The following DNM3 variants were observed in gnomAD, a reference collection of about 807,000 sequenced individuals.
DNM3 encodes the protein dynamin-3.
A neutral mutation model predicts 101.6 loss-of-function variants in DNM3; 47 were observed. That is an observed-to-expected ratio of 0.46 (90% CI 0.37 to 0.59). The LOEUF is 0.59. DNM3 is among the 20% of genes least tolerant of loss of function. DNM3 has a pLI of 0.00. For missense variants in DNM3, 849 were observed against 1,085.7 expected, an observed-to-expected ratio of 0.78 and a Z score of 3.06; for synonymous variants, 385 against 387.9, an observed-to-expected ratio of 0.99 and a Z score of 0.09.
At chr1:172,318,990 C>T (rs1225479077) in intron 16 of DNM3, among the ~76,000 whole-genome samples, 3 of 151,796 alleles carry the variant, frequency 2.0e-5, no homozygotes, top group East Asian at 3.8e-4. Context: ...TCAAACTATA[C>T]TACAAGGCTA....
At chr1:172,302,065 A>C (rs1270835854) in intron 15 of DNM3, among the ~76,000 whole-genome samples, 1 of 152,180 alleles carries the variant, frequency 6.6e-6, no homozygotes, top group African/African-American at 2.4e-5. Flanking sequence ...GACGAGCCAA[A>C]GCAGGGTAGG....
At chr1:172,192,323 C>G (rs1415860742) in intron 14 of DNM3, among the ~76,000 whole-genome samples, 2 of 150,518 alleles carry the variant, frequency 1.3e-5, no homozygotes, top group Admixed American at 1.3e-4. Flanking sequence ...GTTGAACCAG[C>G]CTTGCATCCC....
chr1:172,238,990 G>A (rs1171175432), intron 14 of DNM3, among the ~76,000 whole-genome samples: 3 of 152,054 alleles, frequency 2.0e-5, no homozygotes, highest in African/African-American at 7.2e-5. Flanking sequence ...TTTTCCCCAA[G>A]TACTTTCCTT....
chr1:172,209,127 C>T (rs2060423841), intron 14 of DNM3, among the ~76,000 whole-genome samples: 1 of 151,938 alleles, frequency 6.6e-6, no homozygotes, highest in Non-Finnish European at 1.5e-5. Context: ...ATGAGGTAAT[C>T]ACAGGGGACC....
intron 1 of DNM3, among the ~76,000 whole-genome samples, chr1:171,845,752 TTAAG>T (rs2031982368): frequency 6.6e-6 from 1 of 152,352 alleles, no homozygotes; most frequent in East Asian, 1.9e-4. Flanking sequence ...GATTGTTTAT[TTAAG>T]TATGTTTTTA....
At chr1:171,865,378 A>G (rs751061788) in intron 1 of DNM3, among the ~76,000 whole-genome samples, 15 of 151,882 alleles carry the variant, frequency 9.9e-5, no homozygotes, top group Non-Finnish European at 2.2e-4. Flanking sequence ...TTAGCCAGGT[A>G]TAGTGGTGCA....
intron 4 of DNM3, among the ~76,000 whole-genome samples, chr1:172,018,148 T>G (rs1197516653): frequency 6.6e-6 from 1 of 152,156 alleles, no homozygotes; most frequent in East Asian, 1.9e-4. Flanking sequence ...TTTGATCCAC[T>G]CTAACAATCT....
intron 1 of DNM3, among the ~76,000 whole-genome samples, chr1:171,909,507 A>C (rs1168934822): frequency 6.6e-6 from 1 of 151,922 alleles, no homozygotes; most frequent in Admixed American, 6.6e-5. Flanking sequence ...ATCAGAAGAC[A>C]CTCTTTAGTC....
intron 14 of DNM3, among the ~76,000 whole-genome samples, chr1:172,230,132 G>A (rs2061279151): frequency 6.6e-6 from 1 of 151,754 alleles, no homozygotes; most frequent in South Asian, 2.1e-4. Context: ...TTGTTTGTTT[G>A]GCCTATATTC....
intron 15 of DNM3, among the ~76,000 whole-genome samples, chr1:172,273,475 G>T (rs879900711): frequency 2.0e-5 from 3 of 152,026 alleles, no homozygotes; most frequent in Admixed American, 6.6e-5. Flanking sequence ...CTTACTTCTT[G>T]TTGTGTCTGT....
intron 1 of DNM3, among the ~76,000 whole-genome samples, chr1:171,890,298 T>C (rs74126524): frequency 0.12 from 17,569 of 152,204 alleles, 1,192 homozygotes; most frequent in South Asian, 0.23. Flanking sequence ...CCATCCTTGT[T>C]TGGAAGTACT....
At chr1:171,922,383 A>G (rs2040246602) in intron 2 of DNM3, among the ~76,000 whole-genome samples, 1 of 149,886 alleles carries the variant, frequency 6.7e-6, no homozygotes, top group South Asian at 2.1e-4. Context: ...TGCCATTTGT[A>G]TTTCTTCTCT....
chr1:172,125,292 C>T (rs977601245), intron 13 of DNM3, among the ~76,000 whole-genome samples: 6 of 152,202 alleles, frequency 3.9e-5, no homozygotes, highest in Non-Finnish European at 7.3e-5. Context: ...GTCAAACCCC[C>T]TGCTCACAGG....
intron 10 of DNM3, among the ~76,000 whole-genome samples, chr1:172,054,282 C>T (rs1013085211): frequency 2.6e-5 from 4 of 152,218 alleles, no homozygotes; most frequent in African/African-American, 9.6e-5. Flanking sequence ...TGGGGAAATG[C>T]ATTTCTTCCC....
Position 172,408,976 on chromosome 1 carries a change from C to T in DNM3, c.*1135C>T, listed in dbSNP as rs1356765657. ...TTTTACAGTTGCAGTATTTCAAAGTCCCTATCCAGGTCACTCCAGAAAAGG... is the reference window on the plus strand; with the variant it reads ...TTTTACAGTTGCAGTATTTCAAAGTTCCTATCCAGGTCACTCCAGAAAAGG... On this transcript the variant is annotated 3_prime_UTR_variant, in exon 21 of 21. Transcript: ENST00000627582. 4.1e-6 allele frequency: 4 copies of T among 985,194 alleles called. No homozygotes were observed. Among genetic ancestry groups the T allele is most frequent in the South Asian group, 9.4e-5 (2 of 21,290 alleles). 61.0% of individuals were successfully genotyped at this position (985,194 alleles called of 1,614,324 possible).
intron 1 of DNM3, among the ~76,000 whole-genome samples, chr1:171,918,772 A>T (rs1029432398): frequency 3.3e-5 from 5 of 152,196 alleles, no homozygotes; most frequent in African/African-American, 1.2e-4. Context: ...AAATGTAGAG[A>T]AAAATGTTAG....
At chr1:171,889,942 G>T (rs1222771748) in intron 1 of DNM3, among the ~76,000 whole-genome samples, 1 of 152,076 alleles carries the variant, frequency 6.6e-6, no homozygotes, top group Non-Finnish European at 1.5e-5. Context: ...TAGGTGTGTT[G>T]TAGCTGTCCT....
At chr1:171,943,606 G>A (rs2041962066) in intron 2 of DNM3, among the ~76,000 whole-genome samples, 1 of 152,084 alleles carries the variant, frequency 6.6e-6, no homozygotes, top group Non-Finnish European at 1.5e-5. Flanking sequence ...GGAAATCTTT[G>A]AATCTACCTA....
chr1:172,190,677 G>A (rs9425500), intron 14 of DNM3, among the ~76,000 whole-genome samples: 74,296 of 151,880 alleles, frequency 0.49, 19,870 homozygotes, highest in African/African-American at 0.71. Context: ...TCCAGCACCT[G>A]TTGTTTCCTG....
Sources: allele counts gnomAD v4.1 joint callset (sites outside exome capture counted in the v4.1 genomes callset), GRCh38; gene constraint gnomAD v4.1.1; transcripts MANE v1.5; gene names NCBI Gene and HGNC (gene_info 2026-07-23, HGNC 2026-07-21).